ZFHX3: variants seen among roughly 807,000 people sequenced by gnomAD.
ZFHX3 encodes the protein zinc finger homeobox protein 3.
Under a neutral mutation model 279.1 loss-of-function variants are expected in ZFHX3, and 42 were observed. That is an observed-to-expected ratio of 0.15 (90% CI 0.12 to 0.19). The LOEUF (loss-of-function observed/expected upper bound fraction) is 0.19. ZFHX3 is among the 10% of genes least tolerant of loss of function. The pLI is 1.00. For missense variants in ZFHX3, 4,981 were observed against 4,754.0 expected (o/e 1.05, Z -1.40); for synonymous variants, 2,293 against 1,957.8 (o/e 1.17, Z -4.52).
chr16:73,534,390 C>A (rs1288528060), intron 2 of ZFHX3, among the ~76,000 whole-genome samples: 1 of 152,182 alleles, frequency 6.6e-6, no homozygotes, highest in East Asian at 1.9e-4. Context: ...CTGCCACCAA[C>A]TCCAGACCTT....
intron 4 of ZFHX3, among the ~76,000 whole-genome samples, chr16:73,316,790 A>G (rs544441082): frequency 2.8e-4 from 42 of 152,230 alleles, no homozygotes; most frequent in Non-Finnish European, 5.4e-4. Flanking sequence ...CAGTGAATGC[A>G]AACACACAAG....
At chr16:73,712,369 G>A (rs960394381) in intron 1 of ZFHX3, among the ~76,000 whole-genome samples, 2 of 152,182 alleles carry the variant, frequency 1.3e-5, no homozygotes, top group Non-Finnish European at 2.9e-5. Flanking sequence ...CTTCTCCTCA[G>A]TGGGTTATCA....
intron 5 of ZFHX3, among the ~76,000 whole-genome samples, chr16:73,241,465 T>C (rs1256111098): frequency 6.6e-6 from 1 of 151,768 alleles, no homozygotes; most frequent in Non-Finnish European, 1.5e-5. Context: ...AGAGGAGAAG[T>C]GTAGTGAGAT....
chr16:73,888,044 C>T (rs1399063662), intron 1 of ZFHX3, among the ~76,000 whole-genome samples: 1 of 152,148 alleles, frequency 6.6e-6, no homozygotes, highest in Non-Finnish European at 1.5e-5. Flanking sequence ...GTGGATGCAA[C>T]GGGGCCCCTC....
chr16:73,245,753 G>A (rs763118548), intron 5 of ZFHX3, among the ~76,000 whole-genome samples: 33 of 152,140 alleles, frequency 2.2e-4, no homozygotes, highest in Non-Finnish European at 4.1e-4. Context: ...TACTGATCTA[G>A]GTGTTCTTGA....
intron 4 of ZFHX3, among the ~76,000 whole-genome samples, chr16:73,292,655 C>A (rs1018757540): frequency 6.6e-6 from 1 of 151,952 alleles, no homozygotes; most frequent in Non-Finnish European, 1.5e-5. Flanking sequence ...TCCCTTGGTG[C>A]GAATGCTTCC....
chr16:73,170,755 T>G (rs910505916), intron 5 of ZFHX3, among the ~76,000 whole-genome samples: 2 of 152,168 alleles, frequency 1.3e-5, no homozygotes, highest in African/African-American at 2.4e-5. Flanking sequence ...TCTTCCTGTC[T>G]GTACTTCCTG....
intron 5 of ZFHX3, among the ~76,000 whole-genome samples, chr16:73,186,389 G>A (rs999222425): frequency 7.2e-5 from 11 of 151,924 alleles, no homozygotes; most frequent in Admixed American, 7.2e-4. Context: ...CCCTCACCTA[G>A]CTCACTCTCT....
intron 5 of ZFHX3, among the ~76,000 whole-genome samples, chr16:73,144,741 C>T (rs935964912): frequency 2.0e-5 from 3 of 152,170 alleles, no homozygotes; most frequent in African/African-American, 4.8e-5. Context: ...CGCCCCTCCC[C>T]GCAAAGTGGA....
At chr16:73,671,875 C>T (rs907451742) in intron 2 of ZFHX3, among the ~76,000 whole-genome samples, 1 of 152,116 alleles carries the variant, frequency 6.6e-6, no homozygotes. Flanking sequence ...CATACATTAA[C>T]CTATATACAT....
intron 1 of ZFHX3, among the ~76,000 whole-genome samples, chr16:73,881,296 T>G (rs1213589660): frequency 6.6e-6 from 1 of 152,176 alleles, no homozygotes; most frequent in African/African-American, 2.4e-5. Context: ...GAATTCGGTC[T>G]GTCACGACAT....
chr16:73,048,346 AGGGACCCGGGGACGCACAGGGACGCGC>A (rs1194487205), upstream of ZFHX3: 1 of 151,592 alleles, frequency 6.6e-6, no homozygotes, highest in Non-Finnish European at 1.5e-5. Flanking sequence ...GCCCGCCCGC[AGGGACCCGGGGACGCACAGGGACGCGC>A]GGGACCCGGG....
chr16:73,589,486 C>T (rs1408362621), intron 2 of ZFHX3, among the ~76,000 whole-genome samples: 1 of 149,030 alleles, frequency 6.7e-6, no homozygotes, highest in Non-Finnish European at 1.5e-5. Context: ...AATCCCAGCA[C>T]TTTGGGAGGC....
intron 5 of ZFHX3, among the ~76,000 whole-genome samples, chr16:72,822,965 C>A (rs1351402042): frequency 6.6e-6 from 1 of 152,202 alleles, no homozygotes; most frequent in Non-Finnish European, 1.5e-5. Flanking sequence ...ATATACACCA[C>A]AGCCTGTATC....
intron 4 of ZFHX3, among the ~76,000 whole-genome samples, chr16:73,271,037 A>G (rs986758963): frequency 6.6e-6 from 1 of 152,018 alleles, no homozygotes; most frequent in Non-Finnish European, 1.5e-5. Flanking sequence ...TTCTCACAAA[A>G]CCTGGATCTG....
At chr16:73,835,655 G>A (rs1157600749) in intron 1 of ZFHX3, among the ~76,000 whole-genome samples, 1 of 151,702 alleles carries the variant, frequency 6.6e-6, no homozygotes, top group African/African-American at 2.4e-5. Context: ...ATTTTTAGTA[G>A]AGATGGGGTT....
chr16:72,787,968 C>G lies in ZFHX3; in HGVS notation c.10308G>C (p.Pro3436=). 1 of 1,612,962 alleles carries G rather than the reference C, an allele frequency of 6.2e-7. No individual in the cohort carries two copies. Among genetic ancestry groups the G allele is most frequent in the Non-Finnish European group, 8.5e-7 (1 of 1,179,832 alleles). The change falls in exon 10 of 10, where the codon CCG becomes CCC. Residue 3436 remains proline (P), a synonymous_variant. Transcript: ENST00000268489. ...NTPREVSPLL[P]KLPEEPEAES... The stretch of plus-strand genomic sequence containing the variant: ...CTGCTTCTGGCTCTTCAGGGAGTTT[C>G]GGCAGGAGGGGGGACACCTCACGGG...
At chr16:73,606,993 A>AACAAC (rs111612500) in intron 2 of ZFHX3, among the ~76,000 whole-genome samples, 12 of 151,484 alleles carry the variant, frequency 7.9e-5, no homozygotes, top group Non-Finnish European at 1.5e-4. Flanking sequence ...ACAAACAAAC[A>AACAAC]AACAACAACA....
intron 1 of ZFHX3, among the ~76,000 whole-genome samples, chr16:73,824,121 A>C (rs1960828245): frequency 6.6e-6 from 1 of 152,210 alleles, no homozygotes; most frequent in Admixed American, 6.5e-5. Flanking sequence ...AACAAAGTTG[A>C]ACCGGCTTCC....
Sources: gnomAD v4.1 joint callset for allele counts (sites outside exome capture counted in the v4.1 genomes callset) on GRCh38, gnomAD v4.1.1 for gene constraint, MANE v1.5 for transcripts, NCBI Gene and HGNC (gene_info 2026-07-23, HGNC 2026-07-21) for gene names.